KPNB1: variants seen among roughly 807,000 people sequenced by gnomAD.
The protein encoded by KPNB1 is importin subunit beta-1.
KPNB1 carries 7 observed loss-of-function variants against 113.0 expected under a neutral mutation model. The observed-to-expected ratio is 0.06, with a 90% CI of 0.04 to 0.12. KPNB1 has a LOEUF of 0.12. KPNB1 is among the 10% of genes least tolerant of loss of function. KPNB1 has a pLI of 1.00. For missense variants in KPNB1, 400 were observed against 1,054.8 expected (o/e 0.38, Z 8.60); for synonymous variants, 363 against 378.6 (o/e 0.96, Z 0.48).
Position 47,656,927 on chromosome 17 carries a change from C to G in KPNB1, c.350C>G (p.Ala117Gly). The part of the protein sequence containing the change: ...SSASQCVAGI[A>G]CAEIPVNQWP... Reference sequence around the variant, plus strand: ...GCCTCACAGTGTGTGGCTGGTATTGCTTGTGCAGAGATCCCAGTAAACCAG... The same window carrying G: ...GCCTCACAGTGTGTGGCTGGTATTGGTTGTGCAGAGATCCCAGTAAACCAG... The change falls in exon 4 of 22, where the codon GCT becomes GGT. Residue 117 changes from alanine to glycine, a missense_variant. Transcript: ENST00000290158. 6.2e-7 allele frequency: 1 copy of G among 1,614,104 alleles called. No homozygotes were observed. The highest frequency in any genetic ancestry group is 2.2e-5 in the East Asian group (1 of 44,888).
At chr17:47,682,227 T>G (rs779966253) in intron 21 of KPNB1, among the ~76,000 whole-genome samples, 177 bp from the exon 22 acceptor site, 8 of 152,182 alleles carry the variant, frequency 5.3e-5, no homozygotes, top group Non-Finnish European at 1.2e-4. Flanking sequence ...CCCTCTGATG[T>G]AGGTGTTAAT....
intron 7 of KPNB1, 22 bp from the exon 8 acceptor site, chr17:47,664,137 C>T: frequency 1.3e-6 from 2 of 1,513,634 alleles, no homozygotes; most frequent in African/African-American, 1.4e-5. Flanking sequence ...TATTTGGGGC[C>T]TGGGGTGTTT....
intron 17 of KPNB1, 131 bp from the exon 18 acceptor site, chr17:47,677,915 A>G (rs948143716): frequency 6.8e-6 from 6 of 880,086 alleles, no homozygotes; most frequent in Non-Finnish European, 8.8e-6. Flanking sequence ...CAAATGGGAA[A>G]GGTTTTGTAA....
chr17:47,673,205 G>C (rs2030500466), intron 13 of KPNB1, 40 bp downstream of exon 13: 1 of 1,596,080 alleles, frequency 6.3e-7, no homozygotes, highest in Admixed American at 1.7e-5. Context: ...GTGGGAATTG[G>C]GTAGTACTTT....
intron 2 of KPNB1, 117 bp downstream of exon 2, chr17:47,650,561 T>TCCC (rs1220708651): frequency 9.9e-6 from 4 of 405,846 alleles, no homozygotes; most frequent in Non-Finnish European, 1.6e-5. Flanking sequence ...CCCGTCCCCC[T>TCCC]CCCCCCTCCC....
At chr17:47,662,548 C>T (rs146577719) in intron 6 of KPNB1, among the ~76,000 whole-genome samples, 201 of 150,702 alleles carry the variant, frequency 1.3e-3, no homozygotes, top group African/African-American at 4.5e-3. Context: ...TATACTTGCA[C>T]CAGGGCGACA....
chr17:47,665,132 A>C lies in KPNB1; in HGVS notation c.973A>C (p.Ile325Leu). Residue 325 changes from isoleucine (I) to leucine (L), a missense_variant, in exon 9 of 22, where the codon ATC (isoleucine) becomes CTC (leucine). Coordinates refer to ENST00000290158, the MANE Select transcript of KPNB1 (RefSeq NM_002265.6). ...AKGALQYLVP[I>L]LTQTLTKQDE... The stretch of plus-strand genomic sequence containing the variant: ...GGGAGCACTACAGTATCTGGTTCCA[A>C]TCCTCACACAGACACTAACTAAACA... 1 of 1,614,000 alleles carries C rather than the reference A, an allele frequency of 6.2e-7. No homozygotes were observed. Among genetic ancestry groups the C allele is most frequent in the Non-Finnish European group, 8.5e-7 (1 of 1,179,872 alleles).
rs889993981 is a variant in KPNB1, at chr17:47,652,811, A to G, written c.217A>G (p.Lys73Glu). The G allele has an allele frequency of 1.2e-6, 2 of 1,611,866 alleles. No individual in the cohort carries two copies. Among genetic ancestry groups the G allele is most frequent in the Non-Finnish European group, 1.7e-6 (2 of 1,179,198 alleles). ...TTTGACATCTAAAGATCCAGATATC[A>G]AGGCACAATATCAGCAGAGGTGGCT... ...NSLTSKDPDI[K>E]AQYQQRWLAI... The change falls in exon 3 of 22, where the codon AAG (lysine) becomes GAG (glutamate). Residue 73 changes from lysine to glutamate, a missense_variant. By Grantham distance (56) the Lys-to-Glu change is moderately conservative. Coordinates refer to ENST00000290158, the MANE Select transcript of KPNB1 (RefSeq NM_002265.6).
intron 4 of KPNB1, 152 bp from the exon 5 acceptor site, chr17:47,658,356 T>C (rs1380308842): frequency 1.5e-6 from 1 of 678,490 alleles, no homozygotes; most frequent in South Asian, 2.2e-5. Flanking sequence ...GAAAAAAAGG[T>C]GTACATGCAC....
chr17:47,658,553 A>G lies in KPNB1; in HGVS notation c.529A>G (p.Ile177Val). The G allele has an allele frequency of 6.2e-7, 1 of 1,613,874 alleles. No homozygotes were observed. Among genetic ancestry groups the G allele is most frequent in the Non-Finnish European group, 8.5e-7 (1 of 1,180,022 alleles). ...QDKSNEILTAIIQGMRKEEPS... is the reference protein window; with the variant it reads ...QDKSNEILTAVIQGMRKEEPS... ...TAAATCCAATGAGATTCTGACTGCC[A>G]TAATCCAGGGGATGAGGAAAGAAGA... Residue 177 changes from isoleucine to valine, a missense_variant, in exon 5 of 22, where the codon ATA becomes GTA. Around this residue, in one of 2 missense-constraint regions of KPNB1, gnomAD observed 285 missense variants for 627.0 expected, o/e 0.45. Transcript: ENST00000290158.
At position 47,678,193 on chromosome 17, in the gene KPNB1, A is replaced by C. The variant is rs2030667573; in HGVS notation, c.2247+4A>C. On this transcript the variant is annotated splice_donor_region_variant and intron_variant, in intron 18 of 21. Coordinates refer to ENST00000290158, the MANE Select transcript of KPNB1 (RefSeq NM_002265.6). ...CTCCCAAGCCCAGGTGGACAAGGTA[A>C]GCTTAAAGCTATCTTGGCTGTTCTT... The C allele has an allele frequency of 1.2e-6, 2 of 1,613,968 alleles. No homozygotes were observed. The highest frequency in any genetic ancestry group is 8.5e-7 in the Non-Finnish European group (1 of 1,179,932).
chr17:47,679,396 C>T (rs1451180822), intron 19 of KPNB1, among the ~76,000 whole-genome samples: 2 of 152,166 alleles, frequency 1.3e-5, no homozygotes, highest in African/African-American at 2.4e-5. Context: ...AGTCATAATT[C>T]CCGTTACGTG....
intron 14 of KPNB1, 107 bp downstream of exon 14, chr17:47,673,668 G>A (rs1208744806): frequency 1.3e-5 from 11 of 846,910 alleles, no homozygotes; most frequent in Middle Eastern, 2.2e-4. Context: ...TAGATGATGC[G>A]GATCAGAAGC....
At position 47,683,947 on chromosome 17, in the gene KPNB1, C is replaced by CA. The variant is rs1217751031; in HGVS notation, c.*1544dup. 6.6e-6 allele frequency: 1 copy of CA among 152,156 alleles called. No individual in the cohort carries two copies. Among genetic ancestry groups the CA allele is most frequent in the Non-Finnish European group, 1.5e-5 (1 of 68,020 alleles). 9.4% of individuals were successfully genotyped at this position (152,156 alleles called of 1,614,324 possible). On this transcript the variant is annotated 3_prime_UTR_variant, in exon 22 of 22. Coordinates refer to ENST00000290158, the MANE Select transcript of KPNB1 (RefSeq NM_002265.6). ...TTTTCCCTTTTACAAGGGAACAGGG[C>CA]ATCCTGAATTTTAGAGCCTTTCAGC...
chr17:47,677,640 TA>T (rs1314002265), intron 17 of KPNB1, among the ~76,000 whole-genome samples: 1 of 152,104 alleles, frequency 6.6e-6, no homozygotes, highest in Non-Finnish European at 1.5e-5. Context: ...AACAAAACAG[TA>T]AAATGCAAAG....
In KPNB1 at chr17:47,683,121, A is replaced by C. The variant is rs1396704677; in HGVS notation, c.*717A>C. ...AAAAAAAAAAAAAAAAAAAAAAAACACACACACAGAGGAAAGACGCTCTTT... is the reference window on the plus strand; with the variant it reads ...AAAAAAAAAAAAAAAAAAAAAAAACCCACACACAGAGGAAAGACGCTCTTT... On this transcript the variant is annotated 3_prime_UTR_variant, in exon 22 of 22. Transcript: ENST00000290158. 1 of 125,002 alleles carries C rather than the reference A, an allele frequency of 8.0e-6. No homozygotes were observed. Among genetic ancestry groups the C allele is most frequent in the Non-Finnish European group, 1.7e-5 (1 of 58,102 alleles). The allele number at this position is 125,002 out of a possible 1,614,324, so 7.7% of individuals were successfully genotyped here.
chr17:47,655,703 A>G (rs568358676), intron 3 of KPNB1, among the ~76,000 whole-genome samples: 4 of 152,320 alleles, frequency 2.6e-5, no homozygotes, highest in African/African-American at 9.6e-5. Context: ...ATGTCTGTCT[A>G]CAAAACGAGG....
chr17:47,673,222 C>G, intron 13 of KPNB1, 57 bp downstream of exon 13: 2 of 1,516,780 alleles, frequency 1.3e-6, no homozygotes, highest in Non-Finnish European at 1.8e-6. Flanking sequence ...CTTTTGACAC[C>G]TAGGTCTGTT....
chr17:47,677,682 T>C (rs999811382), intron 17 of KPNB1, among the ~76,000 whole-genome samples: 3 of 152,218 alleles, frequency 2.0e-5, no homozygotes, highest in East Asian at 3.8e-4. Flanking sequence ...CCTTGACTTA[T>C]GATGGAGTTA....
Sources: gnomAD v4.1 joint callset for allele counts (sites outside exome capture counted in the v4.1 genomes callset) on GRCh38, gnomAD v4.1.1 for gene constraint, gnomAD v4.1.1 regional missense constraint, MANE v1.5 for transcripts, NCBI Gene and HGNC (gene_info 2026-07-23, HGNC 2026-07-21) for gene names.